PIGL: variants seen among roughly 807,000 people sequenced by gnomAD.
PIGL encodes phosphatidylinositol glycan anchor biosynthesis class L.
Under a neutral mutation model 31.1 loss-of-function variants are expected in PIGL, and 22 were observed. The observed-to-expected ratio is 0.71, with a 90% confidence interval of 0.51 to 1.01. PIGL has a LOEUF of 1.01. Among genes scored for constraint, PIGL ranks in the 50% least tolerant of loss-of-function variants. The pLI is 0.00. For synonymous variants in PIGL, 131 were observed against 117.4 expected, an observed-to-expected ratio of 1.12 and a Z score of -0.75; for missense variants, 302 against 315.9, an observed-to-expected ratio of 0.96 and a Z score of 0.33.
chr17:16,301,860 C>G (rs540926705), intron 3 of PIGL, among the ~76,000 whole-genome samples: 17 of 152,050 alleles, frequency 1.1e-4, no homozygotes, highest in Admixed American at 9.8e-4. Flanking sequence ...TGAGCCACCA[C>G]GCCCAGCCTA....
intron 1 of PIGL, among the ~76,000 whole-genome samples, chr17:16,229,418 G>A (rs542296840): frequency 9.1e-4 from 137 of 149,922 alleles, no homozygotes; most frequent in South Asian, 2.3e-3. Context: ...CCAATTTGGG[G>A]CTATTATGAA....
chr17:16,224,288 G>C (rs1280936468), intron 1 of PIGL, among the ~76,000 whole-genome samples: 1 of 151,964 alleles, frequency 6.6e-6, no homozygotes, highest in African/African-American at 2.4e-5. Context: ...TCTTCTGATT[G>C]TTCTTCAGGG....
intron 4 of PIGL, 118 bp downstream of exon 4, chr17:16,313,732 C>A: frequency 1.2e-6 from 1 of 822,348 alleles, no homozygotes; most frequent in Non-Finnish European, 2.1e-6. Context: ...TCACTGCTGG[C>A]TTATCTTCTA....
chr17:16,244,214 C>T (rs1453870607), intron 2 of PIGL, among the ~76,000 whole-genome samples: 1 of 152,148 alleles, frequency 6.6e-6, no homozygotes, highest in African/African-American at 2.4e-5. Context: ...ACTCGTTAGT[C>T]CTACAAAGGC....
intron 3 of PIGL, among the ~76,000 whole-genome samples, chr17:16,310,229 C>T (rs752004014): frequency 5.3e-5 from 8 of 151,830 alleles, no homozygotes; most frequent in Non-Finnish European, 7.4e-5. Context: ...TAAATTGAGG[C>T]TCATGGTGGT....
intron 1 of PIGL, among the ~76,000 whole-genome samples, chr17:16,222,746 T>C (rs2092635070): frequency 6.7e-6 from 1 of 149,924 alleles, no homozygotes. Flanking sequence ...GCACAGTAGC[T>C]TACACCAGTA....
At chr17:16,241,567 T>TA (rs1363927885) in intron 2 of PIGL, among the ~76,000 whole-genome samples, 59 of 142,970 alleles carry the variant, frequency 4.1e-4, no homozygotes, top group Non-Finnish European at 5.5e-4. Context: ...AACTCTGTCT[T>TA]AAAAAAAAAA....
At chr17:16,251,642 G>A (rs997973623) in intron 2 of PIGL, among the ~76,000 whole-genome samples, 2 of 150,064 alleles carry the variant, frequency 1.3e-5, no homozygotes, top group African/African-American at 4.9e-5. Context: ...ACTATATGGG[G>A]ACTTTTGGCA....
intron 6 of PIGL, among the ~76,000 whole-genome samples, chr17:16,319,061 A>G (rs1377144097): frequency 6.7e-6 from 1 of 149,322 alleles, no homozygotes; most frequent in Non-Finnish European, 1.5e-5. Flanking sequence ...GCAAAATCCC[A>G]TCTCTACAGA....
intron 2 of PIGL, among the ~76,000 whole-genome samples, chr17:16,252,066 CTTTT>C (rs66540057): frequency 2.4e-5 from 3 of 123,832 alleles, no homozygotes; most frequent in African/African-American, 4.2e-5. Context: ...TTTTTTTTTC[CTTTT>C]TTTTTTTTTC....
chr17:16,260,071 T>G (rs2092813044), intron 2 of PIGL, among the ~76,000 whole-genome samples: 2 of 152,228 alleles, frequency 1.3e-5, no homozygotes, highest in Admixed American at 6.5e-5. Context: ...CCCTGCCAAC[T>G]TGGCCCTCTC....
intron 2 of PIGL, among the ~76,000 whole-genome samples, chr17:16,264,445 C>T (rs536361699): frequency 2.9e-4 from 44 of 151,686 alleles, no homozygotes; most frequent in Admixed American, 9.2e-4. Context: ...CACACATGGC[C>T]TATATAAATT....
intron 2 of PIGL, among the ~76,000 whole-genome samples, chr17:16,264,257 C>G (rs1428615304): frequency 6.6e-6 from 1 of 152,004 alleles, no homozygotes; most frequent in Admixed American, 6.6e-5. Context: ...ATCCATCCGC[C>G]TCAGCCTCCC....
At chr17:16,265,817 G>T (rs1473170483) in intron 2 of PIGL, among the ~76,000 whole-genome samples, 3 of 151,774 alleles carry the variant, frequency 2.0e-5, no homozygotes, top group Admixed American at 2.0e-4. Context: ...GAGAGTTTCT[G>T]GGCTTCAGAC....
chr17:16,282,086 C>T (rs780146033), intron 2 of PIGL: 3 of 510,402 alleles, frequency 5.9e-6, no homozygotes, highest in African/African-American at 1.9e-5. Context: ...AGACCACTGC[C>T]TTTCGAGAAT....
chr17:16,316,673 T>C lies in PIGL; in HGVS notation c.495-8T>C. 1 of 1,596,920 alleles carries C rather than the reference T, an allele frequency of 6.3e-7. No individual in the cohort carries two copies. The highest frequency in any genetic ancestry group is 1.7e-4 in the Middle Eastern group (1 of 5,986). ...ACTCCTCTCACTCTTGTCCTATCCC[T>C]CCTCCAGGGCCCTGCACTCAGAAGG... On this transcript the variant is annotated splice_region_variant and splice_polypyrimidine_tract_variant and intron_variant, in intron 4 of 6. Transcript: ENST00000225609.
intron 1 of PIGL, 154 bp downstream of exon 1, chr17:16,217,615 G>T: frequency 5.0e-6 from 3 of 602,222 alleles, no homozygotes; most frequent in South Asian, 2.4e-5. Flanking sequence ...CCTAGGGACA[G>T]GAGCGGCCGG....
intron 2 of PIGL, among the ~76,000 whole-genome samples, chr17:16,242,836 T>A (rs1368508390): frequency 1.3e-5 from 2 of 151,934 alleles, no homozygotes; most frequent in Non-Finnish European, 2.9e-5. Context: ...CAGGCTGGTC[T>A]TGAACTCCTG....
At chr17:16,252,066 C>CTTTTTTTTTCTTTTTTTTTTT (rs2092774463) in intron 2 of PIGL, among the ~76,000 whole-genome samples, 6 of 123,820 alleles carry the variant, frequency 4.8e-5, no homozygotes, top group African/African-American at 1.3e-4. Context: ...TTTTTTTTTC[C>CTTTTTTTTTCTTTTTTTTTTT]TTTTTTTTTT....
Sources: gnomAD v4.1 joint callset for allele counts (sites outside exome capture counted in the v4.1 genomes callset) on GRCh38, gnomAD v4.1.1 for gene constraint, MANE v1.5 for transcripts, NCBI Gene and HGNC (gene_info 2026-07-23, HGNC 2026-07-21) for gene names.